The following MTF2 variants were observed in gnomAD, a reference collection of about 807,000 sequenced individuals.
The protein encoded by MTF2 is metal-response element-binding transcription factor 2.
Under a neutral mutation model 79.5 loss-of-function variants are expected in MTF2, and 11 were observed. The observed-to-expected ratio is 0.14, with a 90% CI of 0.09 to 0.23. The LOEUF (loss-of-function observed/expected upper bound fraction) is 0.23. MTF2 is among the 10% of genes least tolerant of loss of function. MTF2 has a pLI of 1.00. For missense variants in MTF2, 486 were observed against 711.2 expected (o/e 0.68, Z 3.60); for synonymous variants, 208 against 232.8 (o/e 0.89, Z 0.97).
At chr1:93,132,881 A>G (rs1402808962) in intron 11 of MTF2, among the ~76,000 whole-genome samples, 1 of 152,122 alleles carries the variant, frequency 6.6e-6, no homozygotes, top group East Asian at 1.9e-4. Flanking sequence ...CTATATTGTG[A>G]ACTCTTTAGC....
Position 93,115,118 on chromosome 1 carries a change from C to T in MTF2, c.483+30C>T, listed in dbSNP as rs369942462. 4 of 1,470,506 alleles carry T rather than the reference C, an allele frequency of 2.7e-6. No homozygotes were observed. The African/African-American group carries it at 5.6e-5, about 21-fold the overall frequency. The allele number at this position is 1,470,506 out of a possible 1,614,324, so 91.1% of individuals were successfully genotyped here. A position where few individuals can be genotyped will look rare whatever the true frequency, so the allele number is the denominator to read the frequency against. On this transcript the variant is annotated intron_variant, in intron 5 of 14. Transcript: ENST00000370298. ...ATTTTAAGTGTTTTGGGCTAAAGCT[C>T]TGATGGAATTTGTAAGACATTATCA...
chr1:93,106,668 C>T (rs559904544), intron 1 of MTF2, among the ~76,000 whole-genome samples: 89 of 152,122 alleles, frequency 5.9e-4, no homozygotes, highest in Non-Finnish European at 1.1e-3. Context: ...GACAGGCATA[C>T]GCCACCACAC....
intron 14 of MTF2, among the ~76,000 whole-genome samples, chr1:93,135,677 G>A (rs1387890201): frequency 6.6e-6 from 1 of 152,192 alleles, no homozygotes; most frequent in Non-Finnish European, 1.5e-5. Flanking sequence ...TCTGGGCGTG[G>A]TATTGGTGTC....
chr1:93,119,938 G>C (rs1434933449), intron 8 of MTF2: 1 of 152,248 alleles, frequency 6.6e-6, no homozygotes, highest in Non-Finnish European at 1.5e-5. Flanking sequence ...CAAAAATCTT[G>C]ATTTTAAGTT....
In MTF2 at chr1:93,110,257, G is replaced by T; in HGVS notation, c.33G>T (p.Leu11=). Residue 11 remains leucine (L), a synonymous_variant, in exon 2 of 15, where the codon CTG becomes CTT. Transcript: ENST00000370298. MRDSTGAGNS[L]VHKRSPLRRN... ...ACTCTACAGGGGCAGGTAATTCACT[G>T]GTCCACAAGCGGTCTCCTTTACGTC... 1.9e-6 allele frequency: 3 copies of T among 1,614,016 alleles called. No individual in the cohort carries two copies. Among genetic ancestry groups the T allele is most frequent in the East Asian group, 2.2e-5 (1 of 44,878 alleles).
At chr1:93,124,290 C>A (rs1191488244) in intron 9 of MTF2, among the ~76,000 whole-genome samples, 1 of 151,924 alleles carries the variant, frequency 6.6e-6, no homozygotes, top group East Asian at 1.9e-4. Context: ...ACATTTGAAA[C>A]CATGATAAAC....
chr1:93,107,003 T>C (rs1571231913), intron 1 of MTF2, among the ~76,000 whole-genome samples: 1 of 152,332 alleles, frequency 6.6e-6, no homozygotes, highest in South Asian at 2.1e-4. Flanking sequence ...TTGTCAAACA[T>C]TTAAACTTTT....
chr1:93,086,201 TA>T (rs1654827208), intron 1 of MTF2, among the ~76,000 whole-genome samples: 1 of 152,092 alleles, frequency 6.6e-6, no homozygotes. Flanking sequence ...AAGGATCAAC[TA>T]TGTAAATAAT....
At chr1:93,086,173 A>G (rs189241671) in intron 1 of MTF2, among the ~76,000 whole-genome samples, 2 of 152,312 alleles carry the variant, frequency 1.3e-5, no homozygotes, top group African/African-American at 4.8e-5. Flanking sequence ...TGTGTAGCAC[A>G]TGACTATGCT....
chr1:93,106,450 A>G (rs1204592849), intron 1 of MTF2, among the ~76,000 whole-genome samples: 1 of 149,732 alleles, frequency 6.7e-6, no homozygotes, highest in Non-Finnish European at 1.5e-5. Context: ...TTAATTGTTC[A>G]GGCTTTGGCT....
At chr1:93,113,918 A>G (rs1021979227) in intron 3 of MTF2, among the ~76,000 whole-genome samples, 1 of 152,152 alleles carries the variant, frequency 6.6e-6, no homozygotes, top group Non-Finnish European at 1.5e-5. Context: ...GTGTATTGTG[A>G]ATTTGACTCT....
At chr1:93,121,574 T>G (rs926232591) in intron 9 of MTF2, 216 of 977,874 alleles carry the variant, frequency 2.2e-4, no homozygotes, top group Non-Finnish European at 2.5e-4. Context: ...AAGGGCTTTT[T>G]GGGGGTTTAT....
At chr1:93,118,290 A>G (rs1212382315) in intron 6 of MTF2, 55 bp from the exon 7 acceptor site, 1 of 1,131,690 alleles carries the variant, frequency 8.8e-7, no homozygotes. Context: ...TAAAGAAATG[A>G]ACCTTTCCCT....
At chr1:93,098,212 C>CT (rs1384956817) in intron 1 of MTF2, among the ~76,000 whole-genome samples, 1 of 152,092 alleles carries the variant, frequency 6.6e-6, no homozygotes, top group African/African-American at 2.4e-5. Context: ...GAAGTCCTCT[C>CT]TAAGGTTCAT....
intron 1 of MTF2, among the ~76,000 whole-genome samples, chr1:93,079,834 G>A (rs1016259514): frequency 1.3e-5 from 2 of 151,726 alleles, no homozygotes; most frequent in Non-Finnish European, 2.9e-5. Flanking sequence ...GAAGGAACCT[G>A]GGGGCGGGAG....
chr1:93,135,973 G>A (rs1027178625), intron 14 of MTF2, among the ~76,000 whole-genome samples: 7 of 152,276 alleles, frequency 4.6e-5, no homozygotes, highest in African/African-American at 1.7e-4. Context: ...TATGACTGTA[G>A]GTCTTTCAAT....
chr1:93,084,128 A>G (rs910956500), intron 1 of MTF2, among the ~76,000 whole-genome samples: 3 of 151,578 alleles, frequency 2.0e-5, no homozygotes, highest in East Asian at 1.9e-4. Flanking sequence ...TAGCTTTTAC[A>G]TTTAGGTCCG....
chr1:93,113,047 A>T lies in MTF2; in HGVS notation c.287-1641A>T, dbSNP rs115809207. ...GTTGCTCTCATGATCGGAACCATAA[A>T]CCCAGAAGCTATGGGAGACCACCTT... On this transcript the variant is annotated intron_variant, in intron 3 of 14. Transcript: ENST00000370298. 1.7e-3 allele frequency among the ~76,000 whole-genome samples: 266 copies of T among 152,136 alleles called. 1 individual carries two copies. Among genetic ancestry groups the T allele is most frequent in the African/African-American group, 5.8e-3 (242 of 41,494 alleles).
intron 6 of MTF2, 78 bp from the exon 7 acceptor site, chr1:93,118,261 CTTTTTT>C (rs34049352): frequency 5.9e-6 from 3 of 505,098 alleles, no homozygotes; most frequent in South Asian, 4.4e-5. Flanking sequence ...GATTAGGCCA[CTTTTTT>C]TTTTTTTTTT....
Sources: gnomAD v4.1 joint callset for allele counts (sites outside exome capture counted in the v4.1 genomes callset) on GRCh38, gnomAD v4.1.1 for gene constraint, MANE v1.5 for transcripts, NCBI Gene and HGNC (gene_info 2026-07-23, HGNC 2026-07-21) for gene names.